Variants in TRANK1 observed in about 807,000 individuals in gnomAD.
The protein encoded by TRANK1 is tetratricopeptide repeat and ankyrin repeat containing 1.
TRANK1 carries 198 observed loss-of-function variants against 266.0 expected under a neutral mutation model. That is an observed-to-expected ratio of 0.74 (90% CI 0.66 to 0.84). TRANK1 has a LOEUF of 0.84. Among genes scored for constraint, TRANK1 ranks in the 40% least tolerant of loss-of-function variants. The pLI, the probability that TRANK1 is intolerant of heterozygous loss-of-function variation, is 0.00. For synonymous variants in TRANK1, 1,396 were observed against 1,384.1 expected (o/e 1.01, Z -0.19); for missense variants, 3,326 against 3,634.6 (o/e 0.92, Z 2.18).
At chr3:36,899,034 T>A in intron 4 of TRANK1, 75 bp downstream of exon 4, 1 of 1,463,974 alleles carries the variant, frequency 6.8e-7, no homozygotes, top group Non-Finnish European at 9.1e-7. Flanking sequence ...TATCTCCCCA[T>A]GAGCCTGAGT....
intron 1 of TRANK1, among the ~76,000 whole-genome samples, chr3:36,929,943 G>A (rs1485395932): frequency 1.3e-5 from 2 of 151,030 alleles, no homozygotes; most frequent in Admixed American, 6.7e-5. Context: ...TTTCACTCTT[G>A]TTGCCCAGGC....
chr3:36,887,358 T>C (rs2079622182), intron 8 of TRANK1, among the ~76,000 whole-genome samples: 1 of 152,212 alleles, frequency 6.6e-6, no homozygotes, highest in South Asian at 2.1e-4. Flanking sequence ...AACCCATCAC[T>C]TCCTAATAAT....
chr3:36,903,392 C>T (rs1025736934), intron 2 of TRANK1, 117 bp from the exon 3 acceptor site: 3 of 1,272,640 alleles, frequency 2.4e-6, no homozygotes, highest in East Asian at 2.6e-5. Flanking sequence ...TAGGAAATGA[C>T]TCATTCATGC....
In TRANK1 at chr3:36,832,375, T is replaced by A. The variant is rs763266254; in HGVS notation, c.7208A>T (p.His2403Leu). 2.4e-4 allele frequency: 391 copies of A among 1,613,860 alleles called. No homozygotes were observed. The highest frequency in any genetic ancestry group is 3.2e-4 in the Non-Finnish European group (381 of 1,179,890). The change falls in exon 22 of 24, where the codon CAC becomes CTC. Residue 2403 changes from histidine to leucine, a missense_variant. Transcript: ENST00000645898. ...CTCCAGAAGCCGGATGAAGCACAGG[T>A]GGGTCTTGTCCATATTTTCATCATC... ...NRDDENMDKT[H>L]LCFIRLLENC... is the part of the protein sequence containing the mutation.
chr3:36,879,369 A>G (rs559755723), intron 8 of TRANK1, among the ~76,000 whole-genome samples: 2 of 151,610 alleles, frequency 1.3e-5, no homozygotes, highest in African/African-American at 4.8e-5. Flanking sequence ...AAGCAACTAC[A>G]GAGAGCTTTT....
chr3:36,861,357 C>G (rs974818094), intron 10 of TRANK1, among the ~76,000 whole-genome samples, 197 bp from the exon 11 acceptor site: 1 of 152,078 alleles, frequency 6.6e-6, no homozygotes, highest in Non-Finnish European at 1.5e-5. Context: ...CAGAAATACC[C>G]TATGAAGAGT....
intron 1 of TRANK1, among the ~76,000 whole-genome samples, chr3:36,913,461 C>CTCTCT (rs2080082216): frequency 7.2e-6 from 1 of 138,890 alleles, no homozygotes; most frequent in African/African-American, 3.3e-5. Context: ...TGTTTCTCTC[C>CTCTCT]TCTCCTCTCC....
intron 17 of TRANK1, 91 bp from the exon 18 acceptor site, chr3:36,842,801 C>T: frequency 8.9e-7 from 1 of 1,119,396 alleles, no homozygotes. Flanking sequence ...CCTCCGCCAG[C>T]CATCAAATTC....
intron 8 of TRANK1, among the ~76,000 whole-genome samples, chr3:36,886,611 C>T (rs570180355): frequency 6.6e-5 from 10 of 151,860 alleles, no homozygotes; most frequent in Non-Finnish European, 1.3e-4. Flanking sequence ...CAGTACAAAA[C>T]AAAAAATAAA....
intron 6 of TRANK1, among the ~76,000 whole-genome samples, chr3:36,892,688 G>A (rs1446296390): frequency 1.3e-5 from 2 of 152,016 alleles, no homozygotes; most frequent in Admixed American, 1.3e-4. Context: ...CAATTAGCCG[G>A]GCACTGTGGT....
intron 4 of TRANK1, among the ~76,000 whole-genome samples, chr3:36,896,069 A>G (rs2079785522): frequency 6.6e-6 from 1 of 152,352 alleles, no homozygotes; most frequent in Non-Finnish European, 1.5e-5. Context: ...AGTGCCTATT[A>G]TCTCCACTTA....
intron 8 of TRANK1, among the ~76,000 whole-genome samples, chr3:36,881,850 C>A (rs905265444): frequency 6.6e-6 from 1 of 152,158 alleles, no homozygotes; most frequent in African/African-American, 2.4e-5. Flanking sequence ...TCACACAACA[C>A]ATGGTCTTTT....
chr3:36,847,171 A>G, intron 16 of TRANK1, 29 bp downstream of exon 16: 1 of 1,604,994 alleles, frequency 6.2e-7, no homozygotes, highest in Non-Finnish European at 8.5e-7. Flanking sequence ...CATGTCAAGT[A>G]CATGTGTTGA....
Position 36,828,280 on chromosome 3 carries a change from A to AT in TRANK1, c.8904dup (p.Tyr2969IlefsTer20), listed in dbSNP as rs747217163. On this transcript the variant is annotated frameshift_variant, in exon 24 of 24. Coordinates refer to ENST00000645898, the MANE Select transcript of TRANK1 (RefSeq NM_001329998.2). LOFTEE classifies it high-confidence loss of function. ...AGGCTGCAGCTGTGTGGACATTAGT[A>AT]TTTTCTCTGCTTTCCACATTTCCGA... The AT allele has an allele frequency of 1.2e-6, 2 of 1,610,496 alleles. No individual in the cohort carries two copies. Among genetic ancestry groups the AT allele is most frequent in the South Asian group, 1.1e-5 (1 of 89,958 alleles).
At position 36,832,299 on chromosome 3, in the gene TRANK1, C is replaced by A. The variant is rs1043862088; in HGVS notation, c.7284G>T (p.Arg2428Ser). The change falls in exon 22 of 24, where the codon AGG (arginine) becomes AGT (serine). Residue 2428 changes from arginine to serine, a missense_variant. Arg to Ser is a moderately radical substitution (Grantham distance 110). Coordinates refer to ENST00000645898, the MANE Select transcript of TRANK1 (RefSeq NM_001329998.2). ...YVYRNPEDYK[R>S]LFFRFMNVLI... ...GGACATTCATGAAACGGAAAAAGAGCCTCTTGTAGTCTTCTGGGTTCCTGT... is the reference window on the plus strand; with the variant it reads ...GGACATTCATGAAACGGAAAAAGAGACTCTTGTAGTCTTCTGGGTTCCTGT... 2 of 1,613,970 alleles carry A rather than the reference C, an allele frequency of 1.2e-6. No individual in the cohort carries two copies. The highest frequency in any genetic ancestry group is 1.7e-6 in the Non-Finnish European group (2 of 1,179,888).
At chr3:36,942,117 G>A (rs1199820829) in intron 1 of TRANK1, among the ~76,000 whole-genome samples, 1 of 152,116 alleles carries the variant, frequency 6.6e-6, no homozygotes, top group African/African-American at 2.4e-5. Context: ...ATCCCCAAAA[G>A]CAAAGATAAA....
intron 1 of TRANK1, among the ~76,000 whole-genome samples, chr3:36,934,912 A>G (rs2080404213): frequency 6.6e-6 from 1 of 152,142 alleles, no homozygotes; most frequent in African/African-American, 2.4e-5. Flanking sequence ...CTCCAGAGGT[A>G]TCTTCCTTGC....
intron 1 of TRANK1, among the ~76,000 whole-genome samples, chr3:36,937,798 G>A (rs911116567): frequency 2.6e-5 from 4 of 152,258 alleles, no homozygotes; most frequent in African/African-American, 9.6e-5. Flanking sequence ...CAGGAACTAT[G>A]AAGTTGGGAG....
chr3:36,941,371 G>C (rs535581966), intron 1 of TRANK1, among the ~76,000 whole-genome samples: 2 of 152,164 alleles, frequency 1.3e-5, no homozygotes, highest in Non-Finnish European at 2.9e-5. Flanking sequence ...AGGCTCACAG[G>C]AGCTCACACA....
Sources: gnomAD v4.1 joint callset for allele counts (sites outside exome capture counted in the v4.1 genomes callset) on GRCh38, gnomAD v4.1.1 for gene constraint, MANE v1.5 for transcripts, NCBI Gene and HGNC (gene_info 2026-07-23, HGNC 2026-07-21) for gene names.